DNAH3: variants seen among roughly 807,000 people sequenced by gnomAD.
The protein encoded by DNAH3 is dynein axonemal heavy chain 3, also known as axonemal beta dynein heavy chain 3.
Under a neutral mutation model 432.5 loss-of-function variants are expected in DNAH3, and 332 were observed. That is an observed-to-expected ratio of 0.77 (90% CI 0.70 to 0.84). The LOEUF is 0.84. Among genes scored for constraint, DNAH3 ranks in the 40% least tolerant of loss-of-function variants. The pLI, the probability that DNAH3 is intolerant of heterozygous loss-of-function variation, is 0.00. For synonymous variants in DNAH3, 1,956 were observed against 1,900.2 expected, an observed-to-expected ratio of 1.03 and a Z score of -0.76; for missense variants, 4,861 against 5,114.0, an observed-to-expected ratio of 0.95 and a Z score of 1.51.
At chr16:20,985,196 T>G in exon 48 of DNAH3, 1 of 1,614,188 alleles carries the variant, frequency 6.2e-7, no homozygotes, top group Non-Finnish European at 8.5e-7. Context: ...GGGAAGATGT[T>G]AGGCACGTCA....
At chr16:20,977,898 T>C (rs1295431399) in intron 50 of DNAH3, among the ~76,000 whole-genome samples, 1 of 152,132 alleles carries the variant, frequency 6.6e-6, no homozygotes, top group Non-Finnish European at 1.5e-5. Context: ...ACTTTCAACA[T>C]CTCTAAAAAC....
At chr16:21,145,137 C>T (rs1212560400) in intron 3 of DNAH3, 44 bp downstream of exon 4, 1 of 1,475,752 alleles carries the variant, frequency 6.8e-7, no homozygotes, top group Non-Finnish European at 9.3e-7. Flanking sequence ...TAAAAATTTC[C>T]TCCAAAGCCC....
At chr16:21,042,796 T>C (rs2089506635) in intron 31 of DNAH3, among the ~76,000 whole-genome samples, 1 of 152,206 alleles carries the variant, frequency 6.6e-6, no homozygotes, top group Non-Finnish European at 1.5e-5. Context: ...GCATTAAGTA[T>C]ATCTCCCGAT....
intron 44 of DNAH3, among the ~76,000 whole-genome samples, chr16:20,996,232 CATAT>C (rs1043565343): frequency 1.3e-5 from 2 of 152,104 alleles, no homozygotes; most frequent in Admixed American, 1.3e-4. Flanking sequence ...TAATATAATA[CATAT>C]ATATGTAGCT....
intron 52 of DNAH3, among the ~76,000 whole-genome samples, chr16:20,969,130 C>T (rs932305274): frequency 6.1e-5 from 9 of 148,068 alleles, no homozygotes; most frequent in African/African-American, 2.2e-4. Context: ...GTTTCCCTGT[C>T]TCTTTCTCCC....
At chr16:20,998,848 A>G (rs1210635290) in intron 43 of DNAH3, among the ~76,000 whole-genome samples, 1 of 152,086 alleles carries the variant, frequency 6.6e-6, no homozygotes, top group Non-Finnish European at 1.5e-5. Context: ...AGCTTTATAT[A>G]CATTATCTCA....
intron 47 of DNAH3, 116 bp from the exon 48 acceptor site, chr16:20,985,831 C>CA: frequency 9.8e-7 from 1 of 1,021,554 alleles, no homozygotes; most frequent in Non-Finnish European, 1.4e-6. Context: ...GCACATCCTT[C>CA]AAGGTCATGG....
chr16:21,128,427 G>A (rs1021063972), intron 7 of DNAH3, among the ~76,000 whole-genome samples: 29 of 151,826 alleles, frequency 1.9e-4, no homozygotes, highest in African/African-American at 6.8e-4. Flanking sequence ...GGGCGCGGTG[G>A]CTCACACCTG....
exon 51 of DNAH3, chr16:20,975,307 C>G (rs2085535482): frequency 6.2e-7 from 1 of 1,614,162 alleles, no homozygotes. Context: ...TTCTTTCCAT[C>G]AGCTTCTCTC....
At chr16:21,152,683 C>A (rs2092867067) in intron 1 of DNAH3, among the ~76,000 whole-genome samples, 1 of 152,250 alleles carries the variant, frequency 6.6e-6, no homozygotes, top group Admixed American at 6.5e-5. Flanking sequence ...GCGGGCCCCG[C>A]ACTGGGAGCA....
At chr16:21,022,527 G>T (rs1463546714) in intron 39 of DNAH3, among the ~76,000 whole-genome samples, 2 of 152,164 alleles carry the variant, frequency 1.3e-5, no homozygotes, top group African/African-American at 4.8e-5. Context: ...ATTAGTCAAA[G>T]AGAGTACAGA....
At chr16:21,070,887 T>C in intron 21 of DNAH3, 61 bp from the exon 22 acceptor site, 1 of 1,080,810 alleles carries the variant, frequency 9.3e-7, no homozygotes, top group Non-Finnish European at 1.4e-6. Context: ...TTCTTTTCCT[T>C]TTTTAAAAAT....
chr16:21,114,399 G>A (rs2092139452), intron 12 of DNAH3, among the ~76,000 whole-genome samples: 2 of 152,196 alleles, frequency 1.3e-5, no homozygotes, highest in African/African-American at 4.8e-5. Context: ...GGATGGTCTG[G>A]TTTAAAATAA....
In DNAH3 at chr16:20,991,259, C is replaced by T. The variant is rs2086544000; in HGVS notation, c.6602-3194G>A. 1.3e-5 allele frequency among the ~76,000 whole-genome samples: 2 copies of T among 151,798 alleles called. 1 individual carries two copies. The highest frequency in any genetic ancestry group is 4.2e-4 in the South Asian group (2 of 4,782). On this transcript the variant is annotated intron_variant, in intron 44 of 61. Transcript: ENST00000261383. ...TTAATTCTGCCAGTTAAAACAACCA[C>T]ATGCCTTTTTTTTTTTCTTTTCTGA...
At chr16:20,959,124 T>A (rs2084697706) in intron 54 of DNAH3, 55 bp downstream of exon 54, 1 of 1,557,640 alleles carries the variant, frequency 6.4e-7, no homozygotes, top group Admixed American at 1.7e-5. Flanking sequence ...CCAGCCACCA[T>A]CCTGATGTCT....
At chr16:21,085,527 CA>C (rs34136946) in intron 19 of DNAH3, among the ~76,000 whole-genome samples, 40,252 of 81,292 alleles carry the variant, frequency 0.5, 5,763 homozygotes, top group South Asian at 0.57. Context: ...GATTCCACCT[CA>C]AAAAAAAAAA....
chr16:21,129,919 T>C (rs1466041846), intron 7 of DNAH3: 45 of 151,950 alleles, frequency 3.0e-4, no homozygotes, highest in Admixed American at 3.0e-3. Flanking sequence ...ATAGTACCCA[T>C]CACCTTCTAA....
At chr16:21,127,899 G>A (rs755377960) in intron 7 of DNAH3, 87 bp from the exon 9 acceptor site, 193 of 1,483,498 alleles carry the variant, frequency 1.3e-4, no homozygotes, top group Middle Eastern at 1.7e-4. Context: ...GTGTGTTCAC[G>A]TTTCTCAATG....
intron 41 of DNAH3, among the ~76,000 whole-genome samples, chr16:21,009,965 GGAGAA>G (rs144168527): frequency 0.26 from 38,068 of 148,076 alleles, 5,456 homozygotes; most frequent in South Asian, 0.42. Flanking sequence ...GAAGGGAAGA[GGAGAA>G]GAGAAGAGAA....
Sources: allele counts gnomAD v4.1 joint callset (sites outside exome capture counted in the v4.1 genomes callset), GRCh38; gene constraint gnomAD v4.1.1; transcripts MANE v1.5; gene names NCBI Gene and HGNC (gene_info 2026-07-23, HGNC 2026-07-21).